Variants in ZNF410 observed in about 807,000 individuals in gnomAD.
The protein encoded by ZNF410 is zinc finger protein 410, also known as another partner for ARF 1.
ZNF410 carries 18 observed loss-of-function variants against 54.8 expected under a neutral mutation model. The observed-to-expected ratio is 0.33, with a 90% CI of 0.23 to 0.49. ZNF410 has a LOEUF of 0.49. Among genes scored for constraint, ZNF410 ranks in the 20% least tolerant of loss-of-function variants. The pLI, the probability that ZNF410 is intolerant of heterozygous loss-of-function variation, is 0.99. For synonymous variants in ZNF410, 191 were observed against 207.3 expected, an observed-to-expected ratio of 0.92 and a Z score of 0.68; for missense variants, 405 against 569.6, an observed-to-expected ratio of 0.71 and a Z score of 2.94.
rs1243284342 is a variant in ZNF410, at chr14:73,932,480, T to TC, written c.*939_*940insC. The TC allele has an allele frequency of 7.7e-5, 35 of 453,678 alleles. No individual in the cohort carries two copies. Among genetic ancestry groups the TC allele is most frequent in the African/African-American group, 5.6e-4 (28 of 49,910 alleles). 28.1% of individuals were successfully genotyped at this position (453,678 alleles called of 1,614,324 possible). On this transcript the variant is annotated 3_prime_UTR_variant, in exon 12 of 12. Transcript: ENST00000555044. ...CTGTCACCACCAAAAAAGACGCATC[T>TC]GAGAAAATGGCAATAAAAACAGATA...
chr14:73,909,255 ACT>A (rs1441884624), intron 7 of ZNF410, 84 bp from the exon 8 acceptor site: 3 of 1,156,074 alleles, frequency 2.6e-6, no homozygotes, highest in Non-Finnish European at 3.8e-6. Context: ...AAGTCATTAG[ACT>A]CTGAATAAAG....
At chr14:73,907,581 C>T (rs1419177264) in intron 7 of ZNF410, among the ~76,000 whole-genome samples, 2 of 147,950 alleles carry the variant, frequency 1.4e-5, no homozygotes, top group Non-Finnish European at 3.0e-5. Flanking sequence ...GGAGACAGAG[C>T]GAGACTCCAT....
rs1194065964 is a variant in ZNF410, at chr14:73,932,419, A to C, written c.*878A>C. ...CCGAGGAGTCTTAGGAAACAACAAG[A>C]ACATCTTCATTTCTTAAGCCCAGGT... is the stretch of plus-strand genomic sequence containing the variant. On this transcript the variant is annotated 3_prime_UTR_variant, in exon 12 of 12. Transcript: ENST00000555044. The C allele has an allele frequency of 2.2e-6, 1 of 452,528 alleles. No individual in the cohort carries two copies. The highest frequency in any genetic ancestry group is 4.4e-6 in the Non-Finnish European group (1 of 226,070). 28.0% of individuals were successfully genotyped at this position (452,528 alleles called of 1,614,324 possible).
chr14:73,891,196 A>G (rs2055225074), intron 1 of ZNF410, among the ~76,000 whole-genome samples: 1 of 152,128 alleles, frequency 6.6e-6, no homozygotes, highest in East Asian at 1.9e-4. Context: ...CCAGCCTACC[A>G]CACGGTATAG....
At chr14:73,894,303 T>C in intron 3 of ZNF410, 1 of 700,472 alleles carries the variant, frequency 1.4e-6, no homozygotes, top group South Asian at 1.5e-5. Context: ...TATCAAATGC[T>C]ACTGACAGGC....
At chr14:73,889,679 A>T (rs1379482034) in intron 1 of ZNF410, among the ~76,000 whole-genome samples, 1 of 152,178 alleles carries the variant, frequency 6.6e-6, no homozygotes, top group Non-Finnish European at 1.5e-5. Context: ...AAACCATATG[A>T]AACTGTTGCA....
intron 7 of ZNF410, 163 bp downstream of exon 7, chr14:73,905,246 T>C: frequency 7.2e-6 from 5 of 698,024 alleles, no homozygotes; most frequent in South Asian, 2.4e-5. Flanking sequence ...GCACTTATAA[T>C]AACATTTATT....
At chr14:73,905,964 C>CATAT (rs1409079327) in intron 7 of ZNF410, among the ~76,000 whole-genome samples, 6 of 100,642 alleles carry the variant, frequency 6.0e-5, no homozygotes, top group East Asian at 9.3e-4. Flanking sequence ...CACACACACA[C>CATAT]ACACATATAT....
chr14:73,900,905 TTTC>T (rs2055396397), intron 5 of ZNF410, among the ~76,000 whole-genome samples: 1 of 152,234 alleles, frequency 6.6e-6, no homozygotes, highest in African/African-American at 2.4e-5. Flanking sequence ...GTCCAAGACA[TTTC>T]TTCTTTCAGT....
intron 1 of ZNF410, among the ~76,000 whole-genome samples, chr14:73,887,692 G>A (rs1416454954): frequency 6.6e-6 from 1 of 152,182 alleles, no homozygotes; most frequent in African/African-American, 2.4e-5. Flanking sequence ...ATAAAGTCGG[G>A]CATTTTGTTA....
intron 2 of ZNF410, 150 bp downstream of exon 2, chr14:73,892,358 T>A (rs944337023): frequency 1.6e-6 from 1 of 643,898 alleles, no homozygotes; most frequent in African/African-American, 1.9e-5. Context: ...TTGTTACTAT[T>A]TTTTCAAAGA....
Position 73,898,156 on chromosome 14 carries a change from A to C in ZNF410, c.474A>C (p.Thr158=), listed in dbSNP as rs769639598. Residue 158 remains threonine, a synonymous_variant, in exon 5 of 12, where the codon ACA becomes ACC. Coordinates refer to ENST00000555044, the MANE Select transcript of ZNF410 (RefSeq NM_021188.3). ...ATGATTTCCTCTCCAGTGAGAGCAC[A>C]GACAGTAGCATTCCATGGTTCCTCC... is the stretch of plus-strand genomic sequence containing the variant. ...SGNDFLSSES[T]DSSIPWFLRV... is the part of the protein sequence containing the mutation. 2 of 1,614,064 alleles carry C rather than the reference A, an allele frequency of 1.2e-6. No individual in the cohort carries two copies. Among genetic ancestry groups the C allele is most frequent in the Non-Finnish European group, 1.7e-6 (2 of 1,180,048 alleles).
At chr14:73,893,774 A>G in intron 2 of ZNF410, 23 bp from the exon 3 acceptor site, 1 of 1,586,782 alleles carries the variant, frequency 6.3e-7, no homozygotes, top group Non-Finnish European at 8.5e-7. Flanking sequence ...CGTATTTCTC[A>G]GTGTTGTCTT....
At chr14:73,921,173 G>T in intron 9 of ZNF410, 68 bp downstream of exon 9, 2 of 1,583,648 alleles carry the variant, frequency 1.3e-6, no homozygotes, top group Admixed American at 1.8e-5. Flanking sequence ...TCACTGTCCT[G>T]CCTGCTTATC....
At chr14:73,906,860 T>A (rs2055498192) in intron 7 of ZNF410, among the ~76,000 whole-genome samples, 1 of 152,204 alleles carries the variant, frequency 6.6e-6, no homozygotes, top group Non-Finnish European at 1.5e-5. Flanking sequence ...TTATCTCTGT[T>A]AATCTCTGAA....
Position 73,899,905 on chromosome 14 carries a change from C to A in ZNF410, c.580+1643C>A, listed in dbSNP as rs375191381. Among the ~76,000 whole-genome samples, 6 of 152,286 alleles carry A rather than the reference C, an allele frequency of 3.9e-5. No homozygotes were observed. In the East Asian group the frequency reaches 1.2e-3, roughly 29 times the overall value. The stretch of plus-strand genomic sequence containing the variant: ...CTTTGTATGCCTGAATATAAAATCA[C>A]CCCAAATAGGCTGGGCATTGTGGCT... On this transcript the variant is annotated intron_variant, in intron 5 of 11. Transcript: ENST00000555044.
At chr14:73,890,376 C>CGG (rs1366960757) in intron 1 of ZNF410, among the ~76,000 whole-genome samples, 2 of 151,364 alleles carry the variant, frequency 1.3e-5, no homozygotes, top group Admixed American at 1.3e-4. Context: ...TTAGTAGAGA[C>CGG]GGGGTTTCGC....
chr14:73,896,409 A>G lies in ZNF410; in HGVS notation c.263A>G (p.Glu88Gly). Residue 88 changes from glutamate (E) to glycine (G), a missense_variant, in exon 4 of 12, where the codon GAG becomes GGG. Coordinates refer to ENST00000555044, the MANE Select transcript of ZNF410 (RefSeq NM_021188.3). ...LRVNVGPDGE[E>G]TRAQTVQKSP... ...GTGAATGTGGGTCCAGACGGAGAGG[A>G]GACGAGAGCTCAGACTGTACAGAAA... is the stretch of plus-strand genomic sequence containing the variant. 1 of 1,614,200 alleles carries G rather than the reference A, an allele frequency of 6.2e-7. No individual in the cohort carries two copies. The highest frequency in any genetic ancestry group is 8.5e-7 in the Non-Finnish European group (1 of 1,180,038).
At chr14:73,887,805 A>G (rs892771856) in intron 1 of ZNF410, among the ~76,000 whole-genome samples, 4 of 152,232 alleles carry the variant, frequency 2.6e-5, no homozygotes, top group Non-Finnish European at 5.9e-5. Context: ...TACGTTTTGC[A>G]TCTAAGTAGA....
Sources: allele counts gnomAD v4.1 joint callset (sites outside exome capture counted in the v4.1 genomes callset), GRCh38; gene constraint gnomAD v4.1.1; transcripts MANE v1.5; gene names NCBI Gene and HGNC (gene_info 2026-07-23, HGNC 2026-07-21).